The following CNTNAP5 variants were observed in gnomAD, a reference collection of about 807,000 sequenced individuals.
CNTNAP5 encodes contactin-associated protein-like 5.
Under a neutral mutation model 150.2 loss-of-function variants are expected in CNTNAP5, and 72 were observed. The ratio of observed to expected loss-of-function variants is 0.48; its 90% CI spans 0.40 to 0.58. CNTNAP5 has a LOEUF of 0.58. CNTNAP5 is among the 20% of genes least tolerant of loss of function. CNTNAP5 has a pLI of 0.00. For missense variants in CNTNAP5, 1,636 were observed against 1,626.2 expected, an observed-to-expected ratio of 1.01 and a Z score of -0.10; for synonymous variants, 672 against 619.8, an observed-to-expected ratio of 1.08 and a Z score of -1.25.
chr2:124,125,146 G>A (rs1413839096), intron 1 of CNTNAP5, among the ~76,000 whole-genome samples: 3 of 152,166 alleles, frequency 2.0e-5, no homozygotes, highest in Non-Finnish European at 4.4e-5. Flanking sequence ...AGACCCATCA[G>A]TGTGCTGTAT....
intron 1 of CNTNAP5, among the ~76,000 whole-genome samples, chr2:124,087,106 C>T (rs1045641009): frequency 8.6e-5 from 13 of 151,690 alleles, no homozygotes; most frequent in Admixed American, 4.6e-4. Flanking sequence ...CTTTATCCTT[C>T]GCCTTTGGTC....
At chr2:124,071,177 G>A (rs1186790665) in intron 1 of CNTNAP5, among the ~76,000 whole-genome samples, 4 of 151,558 alleles carry the variant, frequency 2.6e-5, no homozygotes, top group Non-Finnish European at 4.4e-5. Flanking sequence ...CAAAACCTAT[G>A]GAATACAGTG....
chr2:124,196,358 A>G (rs947925980), intron 1 of CNTNAP5, among the ~76,000 whole-genome samples: 1 of 152,182 alleles, frequency 6.6e-6, no homozygotes, highest in African/African-American at 2.4e-5. Flanking sequence ...CTCATGTTAC[A>G]GTAAGCATGA....
At chr2:124,060,473 G>A (rs1296511551) in intron 1 of CNTNAP5, among the ~76,000 whole-genome samples, 1 of 152,148 alleles carries the variant, frequency 6.6e-6, no homozygotes, top group Non-Finnish European at 1.5e-5. Context: ...GCAGCATTAC[G>A]GAAAAGTCCC....
intron 12 of CNTNAP5, among the ~76,000 whole-genome samples, chr2:124,622,217 G>A (rs564188205): frequency 1.7e-4 from 26 of 151,882 alleles, no homozygotes; most frequent in Non-Finnish European, 3.1e-4. Flanking sequence ...GAGAACATGT[G>A]GTGTTTGGTT....
chr2:124,309,993 G>A (rs1688784172), intron 3 of CNTNAP5, among the ~76,000 whole-genome samples: 1 of 152,032 alleles, frequency 6.6e-6, no homozygotes, highest in Admixed American at 6.5e-5. Flanking sequence ...AATGGAAGGT[G>A]GCTAGCTTAC....
At chr2:124,907,374 T>G (rs1193630171) in intron 22 of CNTNAP5, among the ~76,000 whole-genome samples, 1 of 151,752 alleles carries the variant, frequency 6.6e-6, no homozygotes, top group East Asian at 1.9e-4. Context: ...GAATGTTAGC[T>G]CTCTCTCTAT....
chr2:124,774,060 C>A (rs942376286), intron 17 of CNTNAP5, among the ~76,000 whole-genome samples: 76 of 151,716 alleles, frequency 5.0e-4, no homozygotes, highest in African/African-American at 1.8e-3. Flanking sequence ...CAAAATCGAG[C>A]TCTTAAAGTT....
chr2:124,217,227 ATTT>A (rs147590740), intron 1 of CNTNAP5, among the ~76,000 whole-genome samples: 5 of 151,858 alleles, frequency 3.3e-5, no homozygotes, highest in African/African-American at 1.2e-4. Context: ...CTCTCATTAT[ATTT>A]TTTTTCTTAA....
chr2:124,355,167 G>A lies in CNTNAP5; in HGVS notation c.382-62276G>A, dbSNP rs530617296. 5.9e-5 allele frequency among the ~76,000 whole-genome samples: 9 copies of A among 151,932 alleles called. No homozygotes were observed. In the East Asian group the frequency reaches 1.7e-3, roughly 29 times the overall value. On this transcript the variant is annotated intron_variant, in intron 3 of 23. Coordinates refer to ENST00000682447, the MANE Select transcript of CNTNAP5 (RefSeq NM_001367498.1). ...TCAAAAATTAAATATAGATATTTAA[G>A]TAGATGTCTACAAAAAATAATTAGG...
chr2:124,473,749 T>C (rs1000268005), intron 6 of CNTNAP5, among the ~76,000 whole-genome samples: 15 of 152,028 alleles, frequency 9.9e-5, no homozygotes, highest in African/African-American at 3.4e-4. Context: ...TTAAATGGTA[T>C]TGGGATAAAC....
chr2:124,911,543 ACAAT>A lies in CNTNAP5; in HGVS notation c.3727+6_3727+9del. On this transcript the variant is annotated splice_donor_region_variant and intron_variant, in intron 23 of 23. Coordinates refer to ENST00000682447, the MANE Select transcript of CNTNAP5 (RefSeq NM_001367498.1). The stretch of plus-strand genomic sequence containing the variant: ...GTGATTCGGCAGTCATCGGAGGTAA[ACAAT>A]TCATTGTTGTTGAATGCAAAAAGAC... 1.3e-6 allele frequency: 2 copies of A among 1,587,960 alleles called. No individual in the cohort carries two copies. Among genetic ancestry groups the A allele is most frequent in the Non-Finnish European group, 1.7e-6 (2 of 1,164,910 alleles).
At chr2:124,307,693 A>G (rs2104653410) in intron 3 of CNTNAP5, among the ~76,000 whole-genome samples, 1 of 152,306 alleles carries the variant, frequency 6.6e-6, no homozygotes, top group African/African-American at 2.4e-5. Context: ...ACTGAAGGTG[A>G]AGGAAGGACA....
chr2:124,161,805 A>G (rs967892171), intron 1 of CNTNAP5, among the ~76,000 whole-genome samples: 2 of 152,220 alleles, frequency 1.3e-5, no homozygotes, highest in Admixed American at 6.5e-5. Context: ...TTAAAATATG[A>G]GCATCATTAA....
intron 3 of CNTNAP5, among the ~76,000 whole-genome samples, chr2:124,384,753 C>G (rs2104741594): frequency 6.6e-6 from 1 of 152,294 alleles, no homozygotes; most frequent in Admixed American, 6.5e-5. Context: ...GATTTCTTGT[C>G]CCTCCGCTTT....
chr2:124,353,067 G>A (rs780147683), intron 3 of CNTNAP5, among the ~76,000 whole-genome samples: 1 of 152,066 alleles, frequency 6.6e-6, no homozygotes, highest in Non-Finnish European at 1.5e-5. Flanking sequence ...CACATTGAGC[G>A]AGGTCTCCAG....
intron 19 of CNTNAP5, among the ~76,000 whole-genome samples, chr2:124,821,641 C>A (rs1682494028): frequency 6.6e-6 from 1 of 152,130 alleles, no homozygotes; most frequent in African/African-American, 2.4e-5. Context: ...TGAACAGCGA[C>A]TTCAGTGAAT....
chr2:124,658,868 C>T (rs1178426479), intron 13 of CNTNAP5, among the ~76,000 whole-genome samples: 1 of 152,272 alleles, frequency 6.6e-6, no homozygotes, highest in South Asian at 2.1e-4. Context: ...ATAATGGCAC[C>T]TCTGAGCTTG....
At chr2:124,543,598 G>A (rs2104908928) in intron 10 of CNTNAP5, among the ~76,000 whole-genome samples, 1 of 152,292 alleles carries the variant, frequency 6.6e-6, no homozygotes, top group South Asian at 2.1e-4. Flanking sequence ...TATTGAAGAA[G>A]AAAGGTTTCA....
Sources: gnomAD v4.1 joint callset for allele counts (sites outside exome capture counted in the v4.1 genomes callset) on GRCh38, gnomAD v4.1.1 for gene constraint, MANE v1.5 for transcripts, NCBI Gene and HGNC (gene_info 2026-07-23, HGNC 2026-07-21) for gene names.